Variants in TTC21B observed in about 807,000 individuals in gnomAD.
TTC21B encodes the protein tetratricopeptide repeat protein 21B.
Under a neutral mutation model 175.1 loss-of-function variants are expected in TTC21B, and 127 were observed. That is an observed-to-expected ratio of 0.73 (90% CI 0.63 to 0.84). The LOEUF is 0.84. Ranked by LOEUF, TTC21B falls within the 40% of genes least tolerant of loss-of-function variation. The pLI, the probability that TTC21B is intolerant of heterozygous loss-of-function variation, is 0.00. For missense variants in TTC21B, 1,561 were observed against 1,558.3 expected (o/e 1.00, Z -0.03); for synonymous variants, 524 against 524.5 (o/e 1.00, Z 0.01).
chr2:165,901,692 A>G, intron 20 of TTC21B, 30 bp downstream of exon 20: 1 of 1,583,450 alleles, frequency 6.3e-7, no homozygotes, highest in Non-Finnish European at 8.7e-7. Flanking sequence ...CTGGAATAAA[A>G]GGTATTTAAA....
At chr2:165,900,588 C>T (rs1209919850) in intron 20 of TTC21B, among the ~76,000 whole-genome samples, 1 of 152,168 alleles carries the variant, frequency 6.6e-6, no homozygotes, top group Non-Finnish European at 1.5e-5. Flanking sequence ...TATTCTCCCA[C>T]TGTGCTATAT....
intron 1 of TTC21B, among the ~76,000 whole-genome samples, chr2:165,950,852 C>T (rs1355504239): frequency 6.6e-6 from 1 of 152,194 alleles, no homozygotes; most frequent in East Asian, 1.9e-4. Flanking sequence ...AAGTGATCCA[C>T]CCGCCTGGGC....
At position 165,949,483 on chromosome 2, in the gene TTC21B, C is replaced by T. The variant is rs376163622; in HGVS notation, c.173G>A (p.Arg58Gln). 38 of 1,613,732 alleles carry T rather than the reference C, an allele frequency of 2.4e-5. No individual in the cohort carries two copies. The African/African-American group carries it at 3.7e-4, about 16-fold the overall frequency. Residue 58 changes from arginine to glutamine, a missense_variant, in exon 3 of 29, where the codon CGA (arginine) becomes CAA (glutamine). Coordinates refer to ENST00000243344, the MANE Select transcript of TTC21B (RefSeq NM_024753.5). ...LMEGKTQEAL[R>Q]EFEAIKNKQD... ...TTTATTTTTAATAGCCTCAAATTCTCGAAGAGCTTCTTGAGTTTTACCTGA... is the reference window on the plus strand; with the variant it reads ...TTTATTTTTAATAGCCTCAAATTCTTGAAGAGCTTCTTGAGTTTTACCTGA...
chr2:165,907,759 C>T lies in TTC21B; in HGVS notation c.2487G>A (p.Glu829=). The change falls in exon 19 of 29, where the codon GAG becomes GAA. Residue 829 remains glutamate (E), a synonymous_variant. Coordinates refer to ENST00000243344, the MANE Select transcript of TTC21B (RefSeq NM_024753.5). ...EPVNELSALM[E]DGRCQVLLAK... ...CTAGAAGAACTTGACAACGTCCATCCTCCATGAGAGCTGACAGTTCATTTA... is the reference window on the plus strand; with the variant it reads ...CTAGAAGAACTTGACAACGTCCATCTTCCATGAGAGCTGACAGTTCATTTA... 6.2e-7 allele frequency: 1 copy of T among 1,612,692 alleles called. No individual in the cohort carries two copies. The highest frequency in any genetic ancestry group is 1.1e-5 in the South Asian group (1 of 91,036).
chr2:165,937,493 G>C (rs1283466993), intron 6 of TTC21B, among the ~76,000 whole-genome samples: 1 of 152,104 alleles, frequency 6.6e-6, no homozygotes, highest in Non-Finnish European at 1.5e-5. Context: ...TACCACTCTG[G>C]TGGGAGATGT....
At position 165,882,474 on chromosome 2, in the gene TTC21B, A is replaced by G. The variant is rs11887476; in HGVS notation, c.3684+1320T>C. On this transcript the variant is annotated intron_variant, in intron 26 of 28. Transcript: ENST00000243344. ...TATTGCAGTTATCATTCTTATCAAT[A>G]CTTAAAGCATCCCAACTTCGGCTAC... 2.4e-3 allele frequency among the ~76,000 whole-genome samples: 359 copies of G among 152,218 alleles called. 5 individuals carry two copies. Among genetic ancestry groups the G allele is most frequent in the African/African-American group, 8.1e-3 (338 of 41,552 alleles).
At chr2:165,923,058 G>A (rs1445891711) in intron 12 of TTC21B, among the ~76,000 whole-genome samples, 1 of 152,170 alleles carries the variant, frequency 6.6e-6, no homozygotes, top group Non-Finnish European at 1.5e-5. Context: ...CAAACAGAGT[G>A]ATATAGTGGA....
chr2:165,905,487 TG>T (rs1267029106), intron 19 of TTC21B, among the ~76,000 whole-genome samples: 1 of 152,038 alleles, frequency 6.6e-6, no homozygotes, highest in Non-Finnish European at 1.5e-5. Flanking sequence ...AAAAGGAAAC[TG>T]GAGTTAGCTA....
At chr2:165,940,099 C>T (rs904433831) in intron 6 of TTC21B, among the ~76,000 whole-genome samples, 1 of 152,146 alleles carries the variant, frequency 6.6e-6, no homozygotes, top group African/African-American at 2.4e-5. Flanking sequence ...AGGCCAAAAA[C>T]CTTGGAATCA....
intron 12 of TTC21B, among the ~76,000 whole-genome samples, chr2:165,922,984 G>A (rs1006642824): frequency 6.6e-6 from 1 of 152,168 alleles, no homozygotes. Flanking sequence ...AGTAATTGAG[G>A]AATGGAAAAC....
chr2:165,952,062 C>G (rs1158780616), intron 1 of TTC21B, among the ~76,000 whole-genome samples: 1 of 152,096 alleles, frequency 6.6e-6, no homozygotes, highest in African/African-American at 2.4e-5. Flanking sequence ...AGAGGAACTG[C>G]AACAACACAG....
chr2:165,876,195 T>C lies in TTC21B; in HGVS notation c.3843A>G (p.Arg1281=), dbSNP rs762689241. ...KLAFNYLKAK[R]YVDSIDICHQ... ...GACATATGTCAATTGAATCCACATA[T>C]CTTTTTGCTTTTAAGTAATTAAATG... Residue 1281 remains arginine, a synonymous_variant, in exon 28 of 29, where the codon AGA becomes AGG. Transcript: ENST00000243344. The C allele has an allele frequency of 1.9e-6, 3 of 1,603,102 alleles. No individual in the cohort carries two copies. Among genetic ancestry groups the C allele is most frequent in the Non-Finnish European group, 2.6e-6 (3 of 1,171,546 alleles).
intron 8 of TTC21B, among the ~76,000 whole-genome samples, chr2:165,931,081 G>A (rs1027531751): frequency 1.3e-5 from 2 of 151,950 alleles, no homozygotes; most frequent in Non-Finnish European, 2.9e-5. Context: ...TCAAACTTTC[G>A]TTATAGCATG....
intron 22 of TTC21B, among the ~76,000 whole-genome samples, chr2:165,891,253 T>C (rs1229052521): frequency 1.3e-5 from 2 of 152,114 alleles, no homozygotes; most frequent in African/African-American, 4.8e-5. Flanking sequence ...TTTCTATTGT[T>C]TGGGGGACCA....
intron 4 of TTC21B, among the ~76,000 whole-genome samples, chr2:165,943,850 A>G (rs1687454789): frequency 6.6e-6 from 1 of 152,160 alleles, no homozygotes; most frequent in Non-Finnish European, 1.5e-5. Context: ...ATAGCCTGAG[A>G]AATTATAAAC....
chr2:165,952,110 T>C (rs1293862213), intron 1 of TTC21B, among the ~76,000 whole-genome samples: 4 of 152,126 alleles, frequency 2.6e-5, no homozygotes, highest in African/African-American at 9.7e-5. Context: ...ATGGCAGTGG[T>C]GATGAAGATG....
chr2:165,875,245 ACTGAGT>A (rs1684628457), intron 28 of TTC21B, among the ~76,000 whole-genome samples: 1 of 150,364 alleles, frequency 6.7e-6, no homozygotes, highest in African/African-American at 2.5e-5. Flanking sequence ...TTCTAGTTCT[ACTGAGT>A]CTAAGAGTGG....
At position 165,890,839 on chromosome 2, in the gene TTC21B, A is replaced by G. The variant is rs1376296630; in HGVS notation, c.3100T>C (p.Trp1034Arg). 1 of 1,612,886 alleles carries G rather than the reference A, an allele frequency of 6.2e-7. No individual in the cohort carries two copies. The highest frequency in any genetic ancestry group is 2.2e-5 in the East Asian group (1 of 44,762). Residue 1034 changes from tryptophan (W) to arginine (R), a missense_variant and splice_region_variant, in exon 23 of 29, where the codon TGG becomes CGG. By Grantham distance (101) the Trp-to-Arg change is moderately radical. Transcript: ENST00000243344. ...GCATTTATTTGTAAATAGATTTACC[A>G]AAGATACAGTCCTTTACAATACTGA... Reference protein sequence around the residue: ...GFQYCKGLYLWYTGEPNDALR... With the variant: ...GFQYCKGLYLRYTGEPNDALR...
intron 24 of TTC21B, 62 bp downstream of exon 24, chr2:165,890,417 A>G: frequency 7.3e-6 from 11 of 1,500,530 alleles, no homozygotes; most frequent in Non-Finnish European, 1.0e-5. Context: ...TTTGTATAGT[A>G]TCCCTGTTTA....
Sources: allele counts gnomAD v4.1 joint callset (sites outside exome capture counted in the v4.1 genomes callset), GRCh38; gene constraint gnomAD v4.1.1; transcripts MANE v1.5; gene names NCBI Gene and HGNC (gene_info 2026-07-23, HGNC 2026-07-21).